Variants in CDC14A observed in about 807,000 individuals in gnomAD.
CDC14A encodes cell division cycle 14A.
CDC14A carries 53 observed loss-of-function variants against 74.4 expected under a neutral mutation model. That is an observed-to-expected ratio of 0.71 (90% CI 0.57 to 0.89). The LOEUF is 0.89. CDC14A is among the 40% of genes least tolerant of loss of function. CDC14A has a pLI of 0.00. For missense variants in CDC14A, 646 were observed against 713.7 expected (o/e 0.91, Z 1.08); for synonymous variants, 247 against 258.4 (o/e 0.96, Z 0.43).
At chr1:100,498,711 C>T (rs948630822) in intron 14 of CDC14A, among the ~76,000 whole-genome samples, 3 of 152,184 alleles carry the variant, frequency 2.0e-5, no homozygotes, top group African/African-American at 4.8e-5. Context: ...TCCTAGTTAA[C>T]TGCTTTTGAC....
chr1:100,376,594 T>G (rs1165822328), intron 2 of CDC14A, among the ~76,000 whole-genome samples: 1 of 152,116 alleles, frequency 6.6e-6, no homozygotes, highest in Non-Finnish European at 1.5e-5. Flanking sequence ...GTAGCCGAGA[T>G]GGAGAAGACT....
At chr1:100,408,440 C>T (rs182704593) in intron 4 of CDC14A, among the ~76,000 whole-genome samples, 31 of 152,218 alleles carry the variant, frequency 2.0e-4, no homozygotes, top group African/African-American at 3.9e-4. Flanking sequence ...CTCAGTAATA[C>T]GATTGCTGGG....
At chr1:100,353,360 AC>A (rs1192496959) in intron 1 of CDC14A, among the ~76,000 whole-genome samples, 1 of 150,084 alleles carries the variant, frequency 6.7e-6, no homozygotes, top group Non-Finnish European at 1.5e-5. Flanking sequence ...CCCCAACCAC[AC>A]CCCCCAAGTC....
intron 11 of CDC14A, 121 bp from the exon 12 acceptor site, chr1:100,494,697 C>G: frequency 3.6e-6 from 2 of 554,376 alleles, no homozygotes; most frequent in East Asian, 3.0e-5. Context: ...TTCACAGTAC[C>G]TTTAGTGACT....
intron 9 of CDC14A, among the ~76,000 whole-genome samples, chr1:100,464,576 T>C (rs1667614991): frequency 6.6e-6 from 1 of 152,228 alleles, no homozygotes; most frequent in Non-Finnish European, 1.5e-5. Flanking sequence ...TATCTTCTCT[T>C]TCAAACTTTA....
At chr1:100,346,197 C>CA (rs926332447) in intron 1 of CDC14A, among the ~76,000 whole-genome samples, 14 of 151,676 alleles carry the variant, frequency 9.2e-5, no homozygotes, top group African/African-American at 2.2e-4. Context: ...CAAAACAAAA[C>CA]AAAAAAAACC....
At chr1:100,391,153 T>C (rs1657647089) in intron 4 of CDC14A, 2 of 328,922 alleles carry the variant, frequency 6.1e-6, no homozygotes, top group Admixed American at 4.4e-5. Flanking sequence ...TATGTTTAAA[T>C]GCATGAAATA....
At chr1:100,470,709 C>G (rs1020827426) in intron 10 of CDC14A, among the ~76,000 whole-genome samples, 1 of 152,088 alleles carries the variant, frequency 6.6e-6, no homozygotes, top group African/African-American at 2.4e-5. Flanking sequence ...TGTCCAACAT[C>G]ATTAGCCATC....
rs149674305 is a variant in CDC14A at position 100,371,115 on chromosome 1, T to A, written c.141-6431T>A. Among the ~76,000 whole-genome samples the A allele has an allele frequency of 3.3e-4, 51 of 152,308 alleles. No homozygotes were observed. In the East Asian group the frequency reaches 6.8e-3, roughly 20 times the overall value. On this transcript the variant is annotated intron_variant, in intron 2 of 15. Coordinates refer to ENST00000336454, the MANE Select transcript of CDC14A (RefSeq NM_003672.4). The stretch of plus-strand genomic sequence containing the variant: ...TGGCTCTTAGCTTGAATATTATTGG[T>A]GTATGGAAATGCTACTGATTTTTGT...
At chr1:100,488,123 A>G (rs1670228339) in intron 11 of CDC14A, among the ~76,000 whole-genome samples, 1 of 152,212 alleles carries the variant, frequency 6.6e-6, no homozygotes, top group African/African-American at 2.4e-5. Flanking sequence ...TTAGGGGCCT[A>G]TGGGTCCATT....
chr1:100,507,100 T>C (rs924175863), intron 15 of CDC14A, among the ~76,000 whole-genome samples: 88 of 152,214 alleles, frequency 5.8e-4, no homozygotes, highest in Admixed American at 2.6e-4. Flanking sequence ...AGCCTAGTAT[T>C]TTTTTGGTAG....
chr1:100,467,787 T>C (rs981973516), intron 9 of CDC14A, among the ~76,000 whole-genome samples, 169 bp from the exon 10 acceptor site: 3 of 152,226 alleles, frequency 2.0e-5, no homozygotes, highest in Non-Finnish European at 4.4e-5. Flanking sequence ...GCCCTTTTCA[T>C]TGTTTAAAGA....
At chr1:100,412,744 ATATATATAT>A (rs1661002294) in intron 4 of CDC14A, among the ~76,000 whole-genome samples, 2 of 112,532 alleles carry the variant, frequency 1.8e-5, no homozygotes, top group African/African-American at 8.8e-5. Context: ...TATATTTTAT[ATATATATAT>A]TTTATATATA....
At chr1:100,412,712 A>ATATATTT (rs1660921584) in intron 4 of CDC14A, among the ~76,000 whole-genome samples, 1 of 102,464 alleles carries the variant, frequency 9.8e-6, no homozygotes, top group African/African-American at 6.1e-5. Flanking sequence ...ATATATATAT[A>ATATATTT]TATATATATA....
rs541584730 is a variant in CDC14A at position 100,370,793 on chromosome 1, T to C, written c.141-6753T>C. 3.3e-5 allele frequency among the ~76,000 whole-genome samples: 5 copies of C among 152,184 alleles called. No homozygotes were observed. The South Asian group carries it at 1.0e-3, about 32-fold the overall frequency. ...GCTTATTGCTTTGACTATTTGGCCT[T>C]ATTTTGGTTCCATATGAATTTTAGA... On this transcript the variant is annotated intron_variant, in intron 2 of 15. Coordinates refer to ENST00000336454, the MANE Select transcript of CDC14A (RefSeq NM_003672.4).
intron 8 of CDC14A, among the ~76,000 whole-genome samples, chr1:100,457,440 T>A (rs1316909688): frequency 6.6e-6 from 1 of 152,058 alleles, no homozygotes; most frequent in African/African-American, 2.4e-5. Context: ...TGCCATATTG[T>A]GTTAATTTAT....
At chr1:100,492,575 T>G (rs1008257481) in intron 11 of CDC14A, among the ~76,000 whole-genome samples, 4 of 152,238 alleles carry the variant, frequency 2.6e-5, no homozygotes, top group Admixed American at 1.3e-4. Context: ...ACATTATTAC[T>G]ATGTAAACAT....
intron 2 of CDC14A, among the ~76,000 whole-genome samples, chr1:100,369,566 T>G (rs1654143801): frequency 6.6e-6 from 1 of 152,248 alleles, no homozygotes; most frequent in Non-Finnish European, 1.5e-5. Context: ...TTGCTCATTT[T>G]TTAATGGGGT....
intron 4 of CDC14A, among the ~76,000 whole-genome samples, chr1:100,423,211 G>A (rs1161064621): frequency 6.6e-6 from 1 of 152,030 alleles, no homozygotes; most frequent in Admixed American, 6.6e-5. Context: ...CTCAGTCCTA[G>A]CCACACTGAC....
Sources: allele counts gnomAD v4.1 joint callset (sites outside exome capture counted in the v4.1 genomes callset), GRCh38; gene constraint gnomAD v4.1.1; transcripts MANE v1.5; gene names NCBI Gene and HGNC (gene_info 2026-07-23, HGNC 2026-07-21).